Variants in NEDD4 observed in about 807,000 individuals in gnomAD.
NEDD4 encodes the protein NEDD4 E3 ubiquitin protein ligase, also known as E3 ubiquitin-protein ligase NEDD4.
Under a neutral mutation model 144.9 loss-of-function variants are expected in NEDD4, and 99 were observed. The observed-to-expected ratio is 0.68, with a 90% CI of 0.58 to 0.81. The LOEUF is 0.81. Among genes scored for constraint, NEDD4 ranks in the 30% least tolerant of loss-of-function variants. The probability of loss-of-function intolerance (pLI) is 0.00; values close to 1 mark genes in which losing one functional copy is unlikely to be tolerated. For synonymous variants in NEDD4, 318 were observed against 350.6 expected, an observed-to-expected ratio of 0.91 and a Z score of 1.04; for missense variants, 985 against 1,065.9, an observed-to-expected ratio of 0.92 and a Z score of 1.06.
intron 5 of NEDD4, chr15:55,916,736 G>A (rs765234110): frequency 1.2e-6 from 2 of 1,614,028 alleles, no homozygotes; most frequent in East Asian, 2.2e-5. Context: ...TGAAGCACAT[G>A]TGAACATGGC....
intron 4 of NEDD4, among the ~76,000 whole-genome samples, chr15:55,945,818 G>A (rs1490963909): frequency 6.6e-6 from 1 of 152,044 alleles, no homozygotes; most frequent in African/African-American, 2.4e-5. Context: ...TCTCTCAGCA[G>A]AAACCTTACA....
chr15:55,836,522 A>G (rs568693203), intron 24 of NEDD4, among the ~76,000 whole-genome samples: 119 of 152,098 alleles, frequency 7.8e-4, no homozygotes, highest in Admixed American at 2.7e-3. Context: ...ACATGCCATG[A>G]CACCAGGCTA....
chr15:55,894,594 AACT>A (rs1207273209), intron 5 of NEDD4, among the ~76,000 whole-genome samples: 1 of 152,200 alleles, frequency 6.6e-6, no homozygotes, highest in African/African-American at 2.4e-5. Context: ...AGTCAGGAGA[AACT>A]ACTTTCTAAA....
chr15:55,959,959 T>C (rs900075518), intron 2 of NEDD4, among the ~76,000 whole-genome samples: 13 of 152,238 alleles, frequency 8.5e-5, no homozygotes, highest in African/African-American at 2.2e-4. Flanking sequence ...GACATTTTTA[T>C]ACCAGAAGCA....
intron 2 of NEDD4, among the ~76,000 whole-genome samples, chr15:55,961,519 G>A (rs999345932): frequency 6.6e-6 from 1 of 152,016 alleles, no homozygotes; most frequent in Non-Finnish European, 1.5e-5. Context: ...CACCCAGGCT[G>A]GAGTGCAGTG....
chr15:55,967,903 C>T (rs1298833177), intron 1 of NEDD4, among the ~76,000 whole-genome samples: 1 of 151,880 alleles, frequency 6.6e-6, no homozygotes, highest in African/African-American at 2.4e-5. Flanking sequence ...ATCCCAGCTA[C>T]TAGAGAGGGT....
chr15:55,932,960 C>T (rs564929298), intron 4 of NEDD4, among the ~76,000 whole-genome samples: 69 of 151,224 alleles, frequency 4.6e-4, no homozygotes, highest in Non-Finnish European at 8.1e-4. Flanking sequence ...TGCATAAATG[C>T]AAATCAAAAC....
intron 1 of NEDD4, among the ~76,000 whole-genome samples, chr15:55,982,220 T>C (rs555968785): frequency 7.6e-4 from 116 of 152,324 alleles, no homozygotes; most frequent in African/African-American, 2.6e-3. Flanking sequence ...AGGCAGTTTC[T>C]TATAAAGTTA....
At position 55,966,562 on chromosome 15, in the gene NEDD4, T is replaced by C; in HGVS notation, c.46-16A>G. On this transcript the variant is annotated splice_polypyrimidine_tract_variant and intron_variant, in intron 1 of 28. Transcript: ENST00000435532. ...GTGAATTTTCCTAAAATACAAAAAT[T>C]TAGATTTCATTTTCATGTACTTATA... is the stretch of plus-strand genomic sequence containing the variant. 6.8e-7 allele frequency: 1 copy of C among 1,468,512 alleles called. No homozygotes were observed. The highest frequency in any genetic ancestry group is 2.5e-5 in the East Asian group (1 of 39,656). 91.0% of individuals were successfully genotyped at this position (1,468,512 alleles called of 1,614,324 possible). A position where few individuals can be genotyped will look rare whatever the true frequency, so the allele number is the denominator to read the frequency against.
At chr15:55,891,691 C>A (rs1251632962) in intron 5 of NEDD4, among the ~76,000 whole-genome samples, 1 of 152,082 alleles carries the variant, frequency 6.6e-6, no homozygotes, top group Non-Finnish European at 1.5e-5. Context: ...GTAAATAATA[C>A]CTTTTCTAGT....
Position 55,983,320 on chromosome 15 carries a change from A to G in NEDD4, c.45+10191T>C, listed in dbSNP as rs117666854. Among the ~76,000 whole-genome samples the G allele has an allele frequency of 9.9e-5, 15 of 150,888 alleles. No homozygotes were observed. The East Asian group carries it at 3.0e-3, about 30-fold the overall frequency. On this transcript the variant is annotated intron_variant, in intron 1 of 28. Transcript: ENST00000435532. ...TGTGTGCGTGCGCGCGCGTGCGTGC[A>G]TTTGATTTCCATGCTACTTGGTATA...
At chr15:55,954,923 G>T (rs529932141) in intron 2 of NEDD4, among the ~76,000 whole-genome samples, 2 of 150,808 alleles carry the variant, frequency 1.3e-5, no homozygotes, top group Non-Finnish European at 2.9e-5. Flanking sequence ...AGATATCTTT[G>T]TTTAATTGTT....
intron 4 of NEDD4, among the ~76,000 whole-genome samples, chr15:55,948,383 A>G (rs1425568774): frequency 3.3e-5 from 5 of 152,190 alleles, no homozygotes; most frequent in Admixed American, 6.5e-5. Context: ...ACTGCCCAAG[A>G]TAATTTATAG....
intron 2 of NEDD4, among the ~76,000 whole-genome samples, chr15:55,955,003 C>T (rs1210383004): frequency 6.6e-6 from 1 of 151,982 alleles, no homozygotes; most frequent in Non-Finnish European, 1.5e-5. Flanking sequence ...TATTGCATTG[C>T]ACTGCACTGC....
In NEDD4 at chr15:55,829,066, T is replaced by C. The variant is rs1314472004; in HGVS notation, c.*831A>G. 2 of 152,764 alleles carry C rather than the reference T, an allele frequency of 1.3e-5. No individual in the cohort carries two copies. Among genetic ancestry groups the C allele is most frequent in the African/African-American group, 4.8e-5 (2 of 41,584 alleles). The allele number at this position is 152,764 out of a possible 1,614,324, so 9.5% of individuals were successfully genotyped here. A position where few individuals can be genotyped will look rare whatever the true frequency, so the allele number is the denominator to read the frequency against. On this transcript the variant is annotated 3_prime_UTR_variant, in exon 29 of 29. Coordinates refer to ENST00000435532, the MANE Select transcript of NEDD4 (RefSeq NM_006154.4). ...TTAGAAATACTGCTTTGTGGATCTT[T>C]AATGTTTGAAGAAGGAATTCTTCTA...
At chr15:55,917,326 T>C (rs1332789639) in intron 5 of NEDD4, among the ~76,000 whole-genome samples, 1 of 152,114 alleles carries the variant, frequency 6.6e-6, no homozygotes, top group African/African-American at 2.4e-5. Flanking sequence ...CCCACTAATA[T>C]TTTTACCCAT....
intron 5 of NEDD4, among the ~76,000 whole-genome samples, chr15:55,917,782 A>G (rs2036490376): frequency 6.6e-6 from 1 of 152,138 alleles, no homozygotes; most frequent in Non-Finnish European, 1.5e-5. Context: ...GACTATTAAA[A>G]CTGCCAAGAA....
At chr15:55,861,308 A>C (rs1279421660) in intron 9 of NEDD4, among the ~76,000 whole-genome samples, 1 of 152,206 alleles carries the variant, frequency 6.6e-6, no homozygotes, top group Non-Finnish European at 1.5e-5. Context: ...GGAATTACAT[A>C]TCTATTAGTA....
chr15:55,887,688 A>ATTTGGTTTT, intron 5 of NEDD4, among the ~76,000 whole-genome samples: 1 of 152,246 alleles, frequency 6.6e-6, no homozygotes, highest in East Asian at 1.9e-4. Flanking sequence ...AAAAAAGAAA[A>ATTTGGTTTT]CTACAGGGCC....
Sources: gnomAD v4.1 joint callset for allele counts (sites outside exome capture counted in the v4.1 genomes callset) on GRCh38, gnomAD v4.1.1 for gene constraint, MANE v1.5 for transcripts, NCBI Gene and HGNC (gene_info 2026-07-23, HGNC 2026-07-21) for gene names.